PANX1: variants seen among roughly 807,000 people sequenced by gnomAD.
The protein encoded by PANX1 is pannexin 1.
A neutral mutation model predicts 38.7 loss-of-function variants in PANX1; 30 were observed. The observed-to-expected ratio is 0.78, with a 90% CI of 0.58 to 1.05. The LOEUF (loss-of-function observed/expected upper bound fraction) is 1.05, where lower values mean the gene tolerates loss of function less well. Ranked by LOEUF, PANX1 falls within the 50% of genes least tolerant of loss-of-function variation. The probability of loss-of-function intolerance (pLI) is 0.00; values close to 1 mark genes in which losing one functional copy is unlikely to be tolerated. For missense variants in PANX1, 551 were observed against 517.2 expected (o/e 1.07, Z -0.63); for synonymous variants, 230 against 212.2 (o/e 1.08, Z -0.73).
At chr11:94,157,463 T>A (rs1946967528) in intron 2 of PANX1, among the ~76,000 whole-genome samples, 1 of 152,222 alleles carries the variant, frequency 6.6e-6, no homozygotes, top group Non-Finnish European at 1.5e-5. Context: ...ATTGTGGTTT[T>A]GATTTGCATT....
rs761534879 is a variant in PANX1 at position 94,180,296 on chromosome 11, G to T, written c.1201+39G>T. The T allele has an allele frequency of 3.4e-6, 5 of 1,484,798 alleles. No homozygotes were observed. The Admixed American group carries it at 6.3e-5, about 19-fold the overall frequency. The allele number at this position is 1,484,798 out of a possible 1,614,324, so 92.0% of individuals were successfully genotyped here. ...TTGGCAGAGGCTACGGGAGTCTACC[G>T]AGAGCCTTTGCAGCAGCCTTGTGGG... is the stretch of plus-strand genomic sequence containing the variant. On this transcript the variant is annotated intron_variant, in intron 4 of 4. Transcript: ENST00000227638.
chr11:94,143,728 A>G (rs945346876), intron 1 of PANX1, among the ~76,000 whole-genome samples: 2 of 151,994 alleles, frequency 1.3e-5, no homozygotes, highest in Admixed American at 6.6e-5. Context: ...CCTTTAAGCT[A>G]AAAGTCCCTC....
At chr11:94,168,287 G>C (rs1347221205) in intron 2 of PANX1, among the ~76,000 whole-genome samples, 4 of 152,182 alleles carry the variant, frequency 2.6e-5, no homozygotes, top group African/African-American at 9.7e-5. Flanking sequence ...GATTAACTAT[G>C]ATGCAGGGTA....
chr11:94,161,029 C>T lies in PANX1; in HGVS notation c.321+7399C>T, dbSNP rs529640646. Among the ~76,000 whole-genome samples, 392 of 152,282 alleles carry T rather than the reference C, an allele frequency of 2.6e-3. 2 individuals are homozygous for T. The highest frequency in any genetic ancestry group is 3.1e-3 in the Non-Finnish European group (208 of 68,018). On this transcript the variant is annotated intron_variant, in intron 2 of 4. Coordinates refer to ENST00000227638, the MANE Select transcript of PANX1 (RefSeq NM_015368.4). ...GAAATTCTGGGTTGAAAATTCTTTT[C>T]TTTAAGAATGTTGAATATTGGCCCC...
At chr11:94,149,131 T>C (rs1162391752) in intron 1 of PANX1, among the ~76,000 whole-genome samples, 6 of 152,038 alleles carry the variant, frequency 3.9e-5, no homozygotes, top group African/African-American at 1.5e-4. Flanking sequence ...AAAGAAAGCA[T>C]GTTAAAGGAG....
chr11:94,148,926 C>T (rs1323371856), intron 1 of PANX1, among the ~76,000 whole-genome samples: 1 of 152,124 alleles, frequency 6.6e-6, no homozygotes, highest in Non-Finnish European at 1.5e-5. Flanking sequence ...CTTTCACCTC[C>T]TCTTTCTTGT....
intron 2 of PANX1, among the ~76,000 whole-genome samples, chr11:94,161,668 T>A (rs569906589): frequency 1.3e-5 from 2 of 151,002 alleles, no homozygotes; most frequent in South Asian, 4.2e-4. Context: ...TGGTTCGAAC[T>A]TCCTCCTTTA....
At chr11:94,180,671 G>T in intron 4 of PANX1, 119 bp from the exon 5 acceptor site, 1 of 605,136 alleles carries the variant, frequency 1.7e-6, no homozygotes. Context: ...CTTTTAGTTA[G>T]GCCAAGAAGC....
At chr11:94,165,452 A>G (rs1261930372) in intron 2 of PANX1, among the ~76,000 whole-genome samples, 7 of 152,292 alleles carry the variant, frequency 4.6e-5, no homozygotes, top group Admixed American at 3.9e-4. Flanking sequence ...GACAGGATCA[A>G]ATTCACACAT....
intron 1 of PANX1, among the ~76,000 whole-genome samples, chr11:94,131,949 C>CG (rs1228681550): frequency 6.6e-6 from 1 of 152,146 alleles, no homozygotes; most frequent in Non-Finnish European, 1.5e-5. Context: ...ACTCAGGCCC[C>CG]GGGAAGACAC....
chr11:94,148,956 C>T (rs1236049009), intron 1 of PANX1, among the ~76,000 whole-genome samples: 1 of 152,032 alleles, frequency 6.6e-6, no homozygotes, highest in Non-Finnish European at 1.5e-5. Flanking sequence ...GTAGAGAGAG[C>T]TGAGTTGATA....
intron 1 of PANX1, among the ~76,000 whole-genome samples, chr11:94,136,391 A>G (rs891168123): frequency 2.2e-4 from 33 of 152,290 alleles, no homozygotes; most frequent in African/African-American, 4.6e-4. Context: ...TTTCCTTCCT[A>G]ACATTTACCA....
At position 94,180,237 on chromosome 11, in the gene PANX1, A is replaced by G. The variant is rs1947290084; in HGVS notation, c.1181A>G (p.Asn394Ser). 6.2e-7 allele frequency: 1 copy of G among 1,605,554 alleles called. No individual in the cohort carries two copies. Among genetic ancestry groups the G allele is most frequent in the Non-Finnish European group, 8.5e-7 (1 of 1,173,532 alleles). The change falls in exon 4 of 5, where the codon AAC (asparagine) becomes AGC (serine). Residue 394 changes from asparagine (N) to serine (S), a missense_variant. Transcript: ENST00000227638. ...MSAEMREEQG[N>S]QTAELQGMNI... is the part of the protein sequence containing the mutation. ...GCAGAGATGAGAGAGGAGCAGGGGAACCAGACGGCAGAGCTCCAAGGTAGG... is the reference window on the plus strand; with the variant it reads ...GCAGAGATGAGAGAGGAGCAGGGGAGCCAGACGGCAGAGCTCCAAGGTAGG...
chr11:94,173,260 G>T (rs1947188932), intron 2 of PANX1, among the ~76,000 whole-genome samples: 1 of 151,484 alleles, frequency 6.6e-6, no homozygotes, highest in South Asian at 2.1e-4. Flanking sequence ...ATGTTATAGG[G>T]TCTCAGGCCT....
At chr11:94,157,123 A>G (rs1156410776) in intron 2 of PANX1, among the ~76,000 whole-genome samples, 1 of 152,010 alleles carries the variant, frequency 6.6e-6, no homozygotes. Flanking sequence ...AATCCAGTCT[A>G]TCATTGTTGG....
chr11:94,158,011 C>A (rs1015395580), intron 2 of PANX1, among the ~76,000 whole-genome samples: 2 of 152,170 alleles, frequency 1.3e-5, no homozygotes, highest in Non-Finnish European at 2.9e-5. Flanking sequence ...ATCCTTTCCC[C>A]ATTTCTTGTT....
chr11:94,153,532 C>A lies in PANX1; in HGVS notation c.223C>A (p.Arg75Ser). Residue 75 changes from arginine to serine, a missense_variant, in exon 2 of 5, where the codon CGT becomes AGT. Coordinates refer to ENST00000227638, the MANE Select transcript of PANX1 (RefSeq NM_015368.4). ...SCFSPSSFSW[R>S]QAAFVDSYCW... ...TTTCTCTCCAAGTTCTTTCTCCTGG[C>A]GTCAGGCTGCCTTTGTGGATTCATA... 1 of 1,614,098 alleles carries A rather than the reference C, an allele frequency of 6.2e-7. No homozygotes were observed. The highest frequency in any genetic ancestry group is 8.5e-7 in the Non-Finnish European group (1 of 1,179,982).
At chr11:94,131,369 TTTGAGCTCATGCTGTGTGCA>T (rs1259943611) in intron 1 of PANX1, among the ~76,000 whole-genome samples, 3 of 152,182 alleles carry the variant, frequency 2.0e-5, no homozygotes, top group African/African-American at 7.2e-5. Context: ...CTAGCAAGAG[TTTGAGCTCATGCTGTGTGCA>T]TAGCACTGTT....
intron 3 of PANX1, 76 bp from the exon 4 acceptor site, chr11:94,179,526 T>C: frequency 9.5e-7 from 1 of 1,048,108 alleles, no homozygotes; most frequent in Non-Finnish European, 1.4e-6. Context: ...TGTGACATTG[T>C]TGAATGTGTA....
Sources: allele counts gnomAD v4.1 joint callset (sites outside exome capture counted in the v4.1 genomes callset), GRCh38; gene constraint gnomAD v4.1.1; transcripts MANE v1.5; gene names NCBI Gene and HGNC (gene_info 2026-07-23, HGNC 2026-07-21).